Variants in NAV2 observed in about 807,000 individuals in gnomAD.
The protein encoded by NAV2 is neuron navigator 2.
A neutral mutation model predicts 223.2 loss-of-function variants in NAV2; 54 were observed. The ratio of observed to expected loss-of-function variants is 0.24; its 90% confidence interval spans 0.19 to 0.30. The LOEUF is 0.30. Ranked by LOEUF, NAV2 falls within the 10% of genes least tolerant of loss-of-function variation. The probability of loss-of-function intolerance (pLI) is 1.00; values close to 1 mark genes in which losing one functional copy is unlikely to be tolerated. For missense variants in NAV2, 2,806 were observed against 3,147.5 expected (o/e 0.89, Z 2.60); for synonymous variants, 1,279 against 1,239.3 (o/e 1.03, Z -0.67).
intron 1 of NAV2, among the ~76,000 whole-genome samples, chr11:19,821,261 CAAAAAAAAAAA>C (rs60029840): frequency 1.0e-5 from 1 of 99,594 alleles, no homozygotes; most frequent in East Asian, 3.0e-4. Context: ...GACTCTGTCT[CAAAAAAAAAAA>C]AAAAAAAAAA....
intron 1 of NAV2, among the ~76,000 whole-genome samples, chr11:19,724,201 G>T (rs2051029639): frequency 6.6e-6 from 1 of 152,142 alleles, no homozygotes; most frequent in Non-Finnish European, 1.5e-5. Context: ...AAAGAGCAGA[G>T]TAAAAACCAG....
intron 11 of NAV2, among the ~76,000 whole-genome samples, chr11:19,999,169 C>T (rs748004626): frequency 3.3e-5 from 5 of 152,214 alleles, no homozygotes; most frequent in African/African-American, 7.2e-5. Context: ...GGGCATCAGT[C>T]GGCTGTAAGC....
At chr11:19,786,601 G>T (rs1365375835) in intron 1 of NAV2, among the ~76,000 whole-genome samples, 1 of 152,196 alleles carries the variant, frequency 6.6e-6, no homozygotes. Context: ...ATTTTTGCCA[G>T]GTCAGATTAG....
intron 1 of NAV2, among the ~76,000 whole-genome samples, chr11:19,587,012 G>A (rs1299007798): frequency 2.0e-5 from 3 of 152,250 alleles, no homozygotes; most frequent in Admixed American, 2.0e-4. Context: ...TCCTTGAGCT[G>A]AGGTGGGCTC....
intron 6 of NAV2, among the ~76,000 whole-genome samples, chr11:19,894,743 A>G (rs993526621): frequency 2.0e-5 from 3 of 152,124 alleles, no homozygotes; most frequent in Admixed American, 6.5e-5. Flanking sequence ...TTATTTTTTT[A>G]TTTAGAGATG....
intron 20 of NAV2, among the ~76,000 whole-genome samples, chr11:20,063,373 A>G (rs1564963953): frequency 1.4e-5 from 1 of 72,024 alleles, no homozygotes; most frequent in Non-Finnish European, 2.8e-5. Context: ...GCTGTACACT[A>G]TTTATTTTAT....
intron 1 of NAV2, among the ~76,000 whole-genome samples, chr11:19,561,681 G>T (rs900026352): frequency 5.3e-5 from 8 of 152,250 alleles, no homozygotes; most frequent in African/African-American, 1.9e-4. Flanking sequence ...ATAGCCTGTG[G>T]CTATCTGAAG....
chr11:20,065,602 T>G (rs750619440), intron 20 of NAV2, among the ~76,000 whole-genome samples: 3 of 152,206 alleles, frequency 2.0e-5, no homozygotes, highest in Non-Finnish European at 2.9e-5. Flanking sequence ...TTACCAGATG[T>G]GCAGAACAGC....
At chr11:20,058,833 A>G (rs2058520763) in intron 19 of NAV2, among the ~76,000 whole-genome samples, 6 of 152,200 alleles carry the variant, frequency 3.9e-5, no homozygotes, top group Admixed American at 3.9e-4. Flanking sequence ...GAATCTTGGA[A>G]AGCATTTAAC....
intron 1 of NAV2, among the ~76,000 whole-genome samples, chr11:19,667,385 C>G (rs2048444806): frequency 6.6e-6 from 1 of 152,146 alleles, no homozygotes; most frequent in African/African-American, 2.4e-5. Context: ...GTGTATCTGA[C>G]TATGGGCACA....
intron 1 of NAV2, among the ~76,000 whole-genome samples, chr11:19,414,953 G>A (rs2702627): frequency 0.87 from 131,969 of 152,176 alleles, 57,883 homozygotes; most frequent in East Asian, 0.94. Context: ...GCAGTGTTTA[G>A]AGGGAAATTT....
intron 8 of NAV2, among the ~76,000 whole-genome samples, chr11:19,945,178 T>C (rs1422209877): frequency 1.0e-5 from 1 of 95,344 alleles, no homozygotes. Flanking sequence ...TTCCCTTCCC[T>C]TCCCTTCCCT....
At chr11:19,407,748 T>C (rs926877863) in intron 1 of NAV2, among the ~76,000 whole-genome samples, 2 of 148,812 alleles carry the variant, frequency 1.3e-5, no homozygotes, top group African/African-American at 4.9e-5. Context: ...GCCAGCCTTC[T>C]TTCCCTTCCA....
chr11:19,767,879 A>G (rs1293685510), intron 1 of NAV2, among the ~76,000 whole-genome samples: 6 of 152,254 alleles, frequency 3.9e-5, no homozygotes, highest in African/African-American at 1.2e-4. Context: ...GGCTTCCTTC[A>G]GGAAGATAAC....
chr11:20,059,748 G>A (rs1269176698), intron 19 of NAV2, among the ~76,000 whole-genome samples: 3 of 152,128 alleles, frequency 2.0e-5, no homozygotes, highest in Admixed American at 6.5e-5. Flanking sequence ...TGGCAGAAGT[G>A]GCCTAGATAT....
At chr11:19,928,340 A>C (rs1000823420) in intron 6 of NAV2, among the ~76,000 whole-genome samples, 1 of 152,258 alleles carries the variant, frequency 6.6e-6, no homozygotes, top group African/African-American at 2.4e-5. Context: ...AGCAATAAAT[A>C]TGACTTTTAA....
intron 1 of NAV2, among the ~76,000 whole-genome samples, chr11:19,785,282 C>T (rs79923609): frequency 5.0e-4 from 76 of 152,332 alleles, no homozygotes; most frequent in African/African-American, 1.8e-3. Flanking sequence ...GGCCTCATGG[C>T]CTGCAGCCTG....
At chr11:19,348,935 T>G (rs1019498721), upstream of NAV2, among the ~76,000 whole-genome samples, 2 of 152,228 alleles carry the variant, frequency 1.3e-5, no homozygotes, top group Admixed American at 6.5e-5. Flanking sequence ...CAGAGTTCAC[T>G]TGCATTGTGG....
intron 3 of NAV2, among the ~76,000 whole-genome samples, chr11:19,866,226 G>A (rs1750708559): frequency 6.6e-6 from 1 of 152,192 alleles, no homozygotes; most frequent in South Asian, 2.1e-4. Flanking sequence ...ACAGTTCTTT[G>A]TTGTGAGAAG....
Sources: gnomAD v4.1 joint callset for allele counts (sites outside exome capture counted in the v4.1 genomes callset) on GRCh38, gnomAD v4.1.1 for gene constraint, MANE v1.5 for transcripts, NCBI Gene and HGNC (gene_info 2026-07-23, HGNC 2026-07-21) for gene names.